The following SOS1 variants were observed in gnomAD, a reference collection of about 807,000 sequenced individuals.
The protein encoded by SOS1 is son of sevenless homolog 1.
Under a neutral mutation model 157.6 loss-of-function variants are expected in SOS1, and 25 were observed. That is an observed-to-expected ratio of 0.16 (90% CI 0.12 to 0.22). The LOEUF (loss-of-function observed/expected upper bound fraction) is 0.22. Among genes scored for constraint, SOS1 ranks in the 10% least tolerant of loss-of-function variants. The pLI is 1.00. For synonymous variants in SOS1, 528 were observed against 534.0 expected, an observed-to-expected ratio of 0.99 and a Z score of 0.16; for missense variants, 1,237 against 1,599.1, an observed-to-expected ratio of 0.77 and a Z score of 3.86.
upstream of SOS1, among the ~76,000 whole-genome samples, chr2:39,121,240 C>A (rs1266621232): frequency 6.6e-6 from 1 of 152,072 alleles, no homozygotes; most frequent in African/African-American, 2.4e-5. Flanking sequence ...AAAGTGGGGC[C>A]TGCAAGGGTG....
intron 6 of SOS1, among the ~76,000 whole-genome samples, chr2:39,049,061 A>T (rs551802952): frequency 6.6e-6 from 1 of 151,880 alleles, no homozygotes; most frequent in South Asian, 2.1e-4. Context: ...GGGATTACAG[A>T]CATGTACCAC....
At chr2:39,009,669 G>C (rs947130317) in intron 15 of SOS1, among the ~76,000 whole-genome samples, 1 of 152,136 alleles carries the variant, frequency 6.6e-6, no homozygotes, top group Non-Finnish European at 1.5e-5. Flanking sequence ...AAATGGTAAA[G>C]TAATAACTGT....
chr2:38,985,012 C>T lies in SOS1; in HGVS notation c.*812G>A, dbSNP rs1668510373. Reference sequence around the variant, plus strand: ...AGAAGGAGGGAAAATGACAATCTAGCATAGATGAACAGTCTCCTAAATGCA... The same window carrying T: ...AGAAGGAGGGAAAATGACAATCTAGTATAGATGAACAGTCTCCTAAATGCA... On this transcript the variant is annotated 3_prime_UTR_variant, in exon 23 of 23. Transcript: ENST00000402219. 6.6e-6 allele frequency: 1 copy of T among 152,118 alleles called. No individual in the cohort carries two copies. Among genetic ancestry groups the T allele is most frequent in the Non-Finnish European group, 1.5e-5 (1 of 68,022 alleles). 9.4% of individuals were successfully genotyped at this position (152,118 alleles called of 1,614,324 possible). A position where few individuals can be genotyped will look rare whatever the true frequency, so the allele number is the denominator to read the frequency against.
intron 14 of SOS1, among the ~76,000 whole-genome samples, chr2:39,011,194 G>T (rs1161564706): frequency 1.3e-5 from 2 of 152,052 alleles, no homozygotes; most frequent in African/African-American, 4.8e-5. Flanking sequence ...ACAATGCCCA[G>T]CCTTTAAAAA....
At chr2:39,016,004 T>C (rs1251938563) in intron 10 of SOS1, among the ~76,000 whole-genome samples, 1 of 151,852 alleles carries the variant, frequency 6.6e-6, no homozygotes. Flanking sequence ...TTTATTAGCA[T>C]AGGATTTAGC....
At chr2:39,106,361 C>T (rs1385910583) in intron 1 of SOS1, among the ~76,000 whole-genome samples, 5 of 152,040 alleles carry the variant, frequency 3.3e-5, no homozygotes, top group Non-Finnish European at 7.4e-5. Flanking sequence ...GAGGCCGAGG[C>T]GGGCGGATCA....
In SOS1 at chr2:39,051,258, T is replaced by A; in HGVS notation, c.750A>T (p.Val250=). The A allele has an allele frequency of 1.9e-6, 3 of 1,611,450 alleles. No individual in the cohort carries two copies. Among genetic ancestry groups the A allele is most frequent in the Non-Finnish European group, 2.5e-6 (3 of 1,177,640 alleles). The change falls in exon 6 of 23, where the codon GTA becomes GTT. Residue 250 remains valine, a synonymous_variant. Coordinates refer to ENST00000402219, the MANE Select transcript of SOS1 (RefSeq NM_005633.4). ...NDVENIFSRI[V]DIHELSVKLL... ...ACTTTACACTAAGTTCATGTATATC[T>A]ACTATGCGACTAAATATATTTTCTA...
intron 17 of SOS1, among the ~76,000 whole-genome samples, chr2:38,999,558 T>A (rs1669020506): frequency 6.6e-6 from 1 of 152,252 alleles, no homozygotes. Flanking sequence ...GATGATACAT[T>A]CATAAGACAA....
At chr2:39,023,838 G>T in intron 9 of SOS1, 172 bp downstream of exon 9, 1 of 596,220 alleles carries the variant, frequency 1.7e-6, no homozygotes, top group Non-Finnish European at 3.0e-6. Context: ...AATATGAAAG[G>T]TTTTTCAAAC....
intron 1 of SOS1, among the ~76,000 whole-genome samples, chr2:39,115,274 G>C (rs898040919): frequency 2.6e-4 from 40 of 151,932 alleles, no homozygotes; most frequent in Non-Finnish European, 1.0e-4. Flanking sequence ...ATCTGCACTA[G>C]TTTGCACCTT....
chr2:39,051,801 A>G (rs774015499), intron 5 of SOS1, among the ~76,000 whole-genome samples: 2 of 152,302 alleles, frequency 1.3e-5, no homozygotes, highest in South Asian at 2.1e-4. Context: ...CAGGATTTTC[A>G]TATCTATTTC....
chr2:39,047,882 C>T (rs1014422718), intron 6 of SOS1, among the ~76,000 whole-genome samples: 3 of 152,038 alleles, frequency 2.0e-5, no homozygotes, highest in East Asian at 1.9e-4. Context: ...TGGCCAGGCT[C>T]GTCTCAAACT....
At chr2:39,044,151 G>A (rs1670672294) in intron 6 of SOS1, among the ~76,000 whole-genome samples, 1 of 152,180 alleles carries the variant, frequency 6.6e-6, no homozygotes, top group Non-Finnish European at 1.5e-5. Context: ...GAGGCCAAGA[G>A]TTGGAGACCA....
chr2:38,996,210 C>T (rs1300855879), intron 19 of SOS1, among the ~76,000 whole-genome samples: 4 of 152,232 alleles, frequency 2.6e-5, no homozygotes, highest in Middle Eastern at 6.8e-3. Context: ...CTGCCTCAGC[C>T]TCCCAAGTGG....
chr2:39,012,003 T>TA, intron 14 of SOS1, 123 bp downstream of exon 14: 1 of 764,872 alleles, frequency 1.3e-6, no homozygotes, highest in Non-Finnish European at 2.3e-6. Context: ...GCCTTATTAC[T>TA]AGACACTTCA....
intron 13 of SOS1, among the ~76,000 whole-genome samples, 167 bp downstream of exon 13, chr2:39,013,293 T>A (rs1477886757): frequency 1.3e-5 from 2 of 152,136 alleles, no homozygotes; most frequent in Non-Finnish European, 2.9e-5. Context: ...CTTGAGCCAT[T>A]TGCAGGTCTA....
chr2:38,992,819 G>A (rs918782287), intron 20 of SOS1: 1 of 152,174 alleles, frequency 6.6e-6, no homozygotes, highest in Non-Finnish European at 1.5e-5. Flanking sequence ...TACTGAAAAG[G>A]TGCTGGTTTC....
At chr2:39,075,652 A>C (rs1450235679) in intron 1 of SOS1, among the ~76,000 whole-genome samples, 1 of 151,464 alleles carries the variant, frequency 6.6e-6, no homozygotes, top group Non-Finnish European at 1.5e-5. Flanking sequence ...TATTATAATA[A>C]ATTTTTTAAA....
intron 1 of SOS1, among the ~76,000 whole-genome samples, chr2:39,110,099 G>C (rs1014095699): frequency 1.4e-5 from 2 of 142,418 alleles, no homozygotes; most frequent in African/African-American, 5.7e-5. Flanking sequence ...TATGTATATA[G>C]TCATCCCTCG....
Sources: allele counts gnomAD v4.1 joint callset (sites outside exome capture counted in the v4.1 genomes callset), GRCh38; gene constraint gnomAD v4.1.1; transcripts MANE v1.5; gene names NCBI Gene and HGNC (gene_info 2026-07-23, HGNC 2026-07-21).